The following MMGT1 variants were observed in gnomAD, a reference collection of about 807,000 sequenced individuals.
MMGT1 encodes membrane magnesium transporter 1.
In MMGT1, 2 loss-of-function variants were observed where a neutral mutation model predicts 11.7. The ratio of observed to expected loss-of-function variants is 0.17; its 90% CI spans 0.07 to 0.54. MMGT1 has a LOEUF of 0.54. Among genes scored for constraint, MMGT1 ranks in the 20% least tolerant of loss-of-function variants. The probability of loss-of-function intolerance (pLI) is 0.94; values close to 1 mark genes in which losing one functional copy is unlikely to be tolerated. For synonymous variants in MMGT1, 49 were observed against 44.4 expected, an observed-to-expected ratio of 1.10 and a Z score of -0.41; for missense variants, 74 against 109.0, an observed-to-expected ratio of 0.68 and a Z score of 1.43.
At position 135,973,851 on chromosome X, in the gene MMGT1, GGAA is replaced by G; in HGVS notation, c.-179_-177del. 2 of 1,160,952 alleles carry G rather than the reference GGAA, an allele frequency of 1.7e-6. No individual in the cohort carries two copies. Among genetic ancestry groups the G allele is most frequent in the Middle Eastern group, 4.7e-4 (2 of 4,289 alleles). ...TGAGAAAACGGAAACAGGAATGCCGGGAAGAAGCAGAAAGCTACACGGAAAAAG... is the reference window on the plus strand; with the variant it reads ...TGAGAAAACGGAAACAGGAATGCCGGGAAGCAGAAAGCTACACGGAAAAAG... On this transcript the variant is annotated 5_prime_UTR_variant, in exon 1 of 4. Coordinates refer to ENST00000305963, the MANE Select transcript of MMGT1 (RefSeq NM_173470.3).
Position 135,973,904 on chromosome X carries a change from G to T in MMGT1, c.-229C>A. The T allele has an allele frequency of 8.7e-7, 1 of 1,147,880 alleles. No homozygotes were observed. Among genetic ancestry groups the T allele is most frequent in the Non-Finnish European group, 1.2e-6 (1 of 863,792 alleles). The allele number at this position is 1,147,880 out of a possible 1,213,427, so 94.6% of individuals were successfully genotyped here. A position where few individuals can be genotyped will look rare whatever the true frequency, so the allele number is the denominator to read the frequency against. On this transcript the variant is annotated 5_prime_UTR_variant, in exon 1 of 4. Coordinates refer to ENST00000305963, the MANE Select transcript of MMGT1 (RefSeq NM_173470.3). ...GGTCCGCGAGAACCCACGAACCTGC[G>T]CTATGGAGGCCTCTCTAGGAGGGCC... is the stretch of plus-strand genomic sequence containing the variant.
rs1320974839 is a variant in MMGT1 at position 135,972,192 on chromosome X, TA to T, written c.80-1083del. Among the ~76,000 whole-genome samples, 9 of 112,263 alleles carry T rather than the reference TA, an allele frequency of 8.0e-5. No homozygotes were observed. The Admixed American group carries it at 8.5e-4, about 11-fold the overall frequency. On this transcript the variant is annotated intron_variant, in intron 1 of 3. Transcript: ENST00000305963. Reference sequence around the variant, plus strand: ...CTCTCCCTAACATGAGCATTATATATAAAGAGGTCTCACTGCAGTGGCAAAT... The same window carrying T: ...CTCTCCCTAACATGAGCATTATATATAAGAGGTCTCACTGCAGTGGCAAAT...
At chrX:135,971,714 T>C (rs1182763115) in intron 1 of MMGT1, among the ~76,000 whole-genome samples, 2 of 111,958 alleles carry the variant, frequency 1.8e-5, no homozygotes, top group East Asian at 2.8e-4. Flanking sequence ...AGTGGTGGAA[T>C]AGGAATTCCA....
rs953300734 is a variant in MMGT1, at chrX:135,960,719, A to G, written c.*4305T>C. On this transcript the variant is annotated 3_prime_UTR_variant, in exon 4 of 4. Coordinates refer to ENST00000305963, the MANE Select transcript of MMGT1 (RefSeq NM_173470.3). The stretch of plus-strand genomic sequence containing the variant: ...TTAGGAAAATATTATTAAACATGAC[A>G]ATGGACCAATTTTCTTAGCTTACAA... 8.9e-5 allele frequency among the ~76,000 whole-genome samples: 10 copies of G among 111,980 alleles called. No individual in the cohort carries two copies. Among genetic ancestry groups the G allele is most frequent in the Admixed American group, 8.6e-4 (9 of 10,519 alleles).
chrX:135,968,839 T>G (rs1556612267), intron 2 of MMGT1, among the ~76,000 whole-genome samples: 2 of 111,763 alleles, frequency 1.8e-5, no homozygotes, highest in Non-Finnish European at 3.8e-5. Flanking sequence ...CAGTTTTCAC[T>G]GTGCTTTGTA....
intron 2 of MMGT1, among the ~76,000 whole-genome samples, chrX:135,968,723 GTT>G: frequency 9.0e-6 from 1 of 110,696 alleles, no homozygotes; most frequent in East Asian, 2.8e-4. Flanking sequence ...TAGAGATGGG[GTT>G]TCACCATGTT....
chrX:135,973,885 C>T lies in MMGT1; in HGVS notation c.-210G>A, dbSNP rs2089238025. 1 of 1,151,231 alleles carries T rather than the reference C, an allele frequency of 8.7e-7. No individual in the cohort carries two copies. The highest frequency in any genetic ancestry group is 1.2e-6 in the Non-Finnish European group (1 of 865,954). The allele number at this position is 1,151,231 out of a possible 1,213,427, so 94.9% of individuals were successfully genotyped here. Reference sequence around the variant, plus strand: ...AGAAAGCTACACGGAAAAAGGTCCGCGAGAACCCACGAACCTGCGCTATGG... The same window carrying T: ...AGAAAGCTACACGGAAAAAGGTCCGTGAGAACCCACGAACCTGCGCTATGG... On this transcript the variant is annotated 5_prime_UTR_variant, in exon 1 of 4. Transcript: ENST00000305963.
Position 135,961,690 on chromosome X carries a change from A to G in MMGT1, c.*3334T>C, listed in dbSNP as rs781983920. The stretch of plus-strand genomic sequence containing the variant: ...TCCCCTTGGATTTTCATTAAACTTT[A>G]TATTTGCTTCCTTGATGCTTTAATC... On this transcript the variant is annotated 3_prime_UTR_variant, in exon 4 of 4. Coordinates refer to ENST00000305963, the MANE Select transcript of MMGT1 (RefSeq NM_173470.3). Among the ~76,000 whole-genome samples the G allele has an allele frequency of 8.9e-6, 1 of 111,808 alleles. No homozygotes were observed. The highest frequency in any genetic ancestry group is 3.7e-4 in the South Asian group (1 of 2,704).
intron 3 of MMGT1, 46 bp downstream of exon 3, chrX:135,967,344 G>T: frequency 1.2e-6 from 1 of 821,477 alleles, no homozygotes; most frequent in Non-Finnish European, 1.8e-6. Context: ...TGTGAATACA[G>T]CAAACCTCTA....
At chrX:135,967,818 G>A (rs2089194384) in intron 2 of MMGT1, among the ~76,000 whole-genome samples, 1 of 111,140 alleles carries the variant, frequency 9.0e-6, no homozygotes, top group Admixed American at 9.6e-5. Context: ...AATTTTTAAG[G>A]TATTATTGTT....
At chrX:135,968,095 G>A (rs1348475177) in intron 2 of MMGT1, among the ~76,000 whole-genome samples, 4 of 111,615 alleles carry the variant, frequency 3.6e-5, no homozygotes, top group African/African-American at 6.5e-5. Context: ...CAGGTGATCC[G>A]CCCGCCACGG....
chrX:135,973,244 T>C (rs1426565832), intron 1 of MMGT1, among the ~76,000 whole-genome samples: 1 of 111,780 alleles, frequency 8.9e-6, no homozygotes, highest in Non-Finnish European at 1.9e-5. Flanking sequence ...TGTTGTCCAC[T>C]TGGTTGTCGT....
chrX:135,966,215 T>C (rs2089184283), intron 3 of MMGT1, among the ~76,000 whole-genome samples: 1 of 112,271 alleles, frequency 8.9e-6, no homozygotes, highest in South Asian at 3.7e-4. Flanking sequence ...GAACTCTTCC[T>C]TTGACAAAAA....
In MMGT1 at chrX:135,960,673, G is replaced by C. The variant is rs2089149837; in HGVS notation, c.*4351C>G. 8.9e-6 allele frequency among the ~76,000 whole-genome samples: 1 copy of C among 111,759 alleles called. No individual in the cohort carries two copies. Among genetic ancestry groups the C allele is most frequent in the African/African-American group, 3.2e-5 (1 of 30,795 alleles). ...AAATCTCAGAAGCTGTAAAGACTAA[G>C]TTTAACTACATAAATAAAACTTAGG... On this transcript the variant is annotated 3_prime_UTR_variant, in exon 4 of 4. Coordinates refer to ENST00000305963, the MANE Select transcript of MMGT1 (RefSeq NM_173470.3).
In MMGT1 at chrX:135,961,080, C is replaced by A. The variant is rs1348129045; in HGVS notation, c.*3944G>T. 3.6e-5 allele frequency among the ~76,000 whole-genome samples: 4 copies of A among 111,496 alleles called. No homozygotes were observed. The highest frequency in any genetic ancestry group is 9.8e-5 in the African/African-American group (3 of 30,713). On this transcript the variant is annotated 3_prime_UTR_variant, in exon 4 of 4. Transcript: ENST00000305963. ...ACTACTGAACTGAAAATAAAAAATA[C>A]CCTCTGATCCAGCAATTGTATTGCT...
chrX:135,970,973 C>T lies in MMGT1; in HGVS notation c.132+85G>A, dbSNP rs6654308. ...TTTATTTCATGTCTGAAAAATTTTA[C>T]GAAAAACCAGTAAAAAAAAAATTAT... is the stretch of plus-strand genomic sequence containing the variant. On this transcript the variant is annotated intron_variant, in intron 2 of 3. Coordinates refer to ENST00000305963, the MANE Select transcript of MMGT1 (RefSeq NM_173470.3). 1,295 of 635,051 alleles carry T rather than the reference C, an allele frequency of 2.0e-3. 13 individuals carry two copies. The African/African-American group carries it at 0.026, about 13-fold the overall frequency. The allele number at this position is 635,051 out of a possible 1,213,427, so 52.3% of individuals were successfully genotyped here.
rs1556611331 is a variant in MMGT1, at chrX:135,961,153, C to T, written c.*3871G>A. On this transcript the variant is annotated 3_prime_UTR_variant, in exon 4 of 4. Coordinates refer to ENST00000305963, the MANE Select transcript of MMGT1 (RefSeq NM_173470.3). Reference sequence around the variant, plus strand: ...TCATTATATGTACAAGTATATTCACCACAATGTGATTTAATATTGGAAACA... The same window carrying T: ...TCATTATATGTACAAGTATATTCACTACAATGTGATTTAATATTGGAAACA... Among the ~76,000 whole-genome samples, 1 of 111,406 alleles carries T rather than the reference C, an allele frequency of 9.0e-6. No homozygotes were observed. Among genetic ancestry groups the T allele is most frequent in the Non-Finnish European group, 1.9e-5 (1 of 52,960 alleles).
In MMGT1 at chrX:135,964,680, AGTGC is replaced by A; in HGVS notation, c.*340_*343del. On this transcript the variant is annotated 3_prime_UTR_variant, in exon 4 of 4. Coordinates refer to ENST00000305963, the MANE Select transcript of MMGT1 (RefSeq NM_173470.3). ...TTTCCAAAAGGATTCCAAAAATTGT[AGTGC>A]AAAAGAAAAGAAATCTAAAAAAATA... 7.4e-6 allele frequency: 1 copy of A among 134,663 alleles called. No individual in the cohort carries two copies. The allele number at this position is 134,663 out of a possible 1,213,427, so 11.1% of individuals were successfully genotyped here.
In MMGT1 at chrX:135,963,249, A is replaced by G. The variant is rs2089165823; in HGVS notation, c.*1775T>C. The stretch of plus-strand genomic sequence containing the variant: ...GGTTACACAACTTTGTGAATACACT[A>G]AAAACCACTAAATTGTACCCTTAAA... On this transcript the variant is annotated 3_prime_UTR_variant, in exon 4 of 4. Coordinates refer to ENST00000305963, the MANE Select transcript of MMGT1 (RefSeq NM_173470.3). 9.0e-6 allele frequency: 1 copy of G among 111,621 alleles called. No individual in the cohort carries two copies. The highest frequency in any genetic ancestry group is 3.3e-5 in the African/African-American group (1 of 30,671). The allele number at this position is 111,621 out of a possible 1,213,427, so 9.2% of individuals were successfully genotyped here. A position where few individuals can be genotyped will look rare whatever the true frequency, so the allele number is the denominator to read the frequency against.
Sources: allele counts gnomAD v4.1 joint callset (sites outside exome capture counted in the v4.1 genomes callset), GRCh38; gene constraint gnomAD v4.1.1; transcripts MANE v1.5; gene names NCBI Gene and HGNC (gene_info 2026-07-23, HGNC 2026-07-21).